Variants in SPATA6L observed in about 807,000 individuals in gnomAD.
SPATA6L encodes spermatogenesis associated 6 like, also known as spermatogenesis associated 6-like protein.
A neutral mutation model predicts 49.2 loss-of-function variants in SPATA6L; 68 were observed. The ratio of observed to expected loss-of-function variants is 1.38; its 90% CI spans 1.14 to 1.69. The LOEUF (loss-of-function observed/expected upper bound fraction) is 1.69, where lower values mean the gene tolerates loss of function less well. Among genes scored for constraint, SPATA6L ranks in the 40% most tolerant of loss-of-function variants. SPATA6L has a pLI of 0.00. For synonymous variants in SPATA6L, 198 were observed against 165.7 expected (o/e 1.19, Z -1.50); for missense variants, 668 against 464.3 (o/e 1.44, Z -4.03).
chr9:4,665,756 C>G (rs1406287073), intron 1 of SPATA6L, among the ~76,000 whole-genome samples: 1 of 152,112 alleles, frequency 6.6e-6, no homozygotes, highest in African/African-American at 2.4e-5. Context: ...ATTAGCAAGC[C>G]AGAGCTATCA....
In SPATA6L at chr9:4,653,219, G is replaced by C. The variant is rs569880287; in HGVS notation, c.226+2822C>G. Among the ~76,000 whole-genome samples the C allele has an allele frequency of 3.3e-5, 5 of 152,306 alleles. No individual in the cohort carries two copies. The East Asian group carries it at 5.8e-4, about 18-fold the overall frequency. Reference sequence around the variant, plus strand: ...AAAGTAAACCCTCACATTACTGTAAGCTGAATTTCAACAAGGGTACCAAGA... The same window carrying C: ...AAAGTAAACCCTCACATTACTGTAACCTGAATTTCAACAAGGGTACCAAGA... On this transcript the variant is annotated intron_variant, in intron 3 of 11. Coordinates refer to ENST00000682582, the MANE Select transcript of SPATA6L (RefSeq NM_001353486.2).
chr9:4,618,234 T>C lies in SPATA6L; in HGVS notation c.808-124A>G, dbSNP rs1828467165. ...GATGACAGAATATTTGCCCCAGGGA[T>C]CTCCTGCAAATAGAAGAGGATCTGG... On this transcript the variant is annotated intron_variant, in intron 8 of 11. Coordinates refer to ENST00000682582, the MANE Select transcript of SPATA6L (RefSeq NM_001353486.2). 9 of 720,640 alleles carry C rather than the reference T, an allele frequency of 1.2e-5. No individual in the cohort carries two copies. The South Asian group carries it at 1.8e-4, about 14-fold the overall frequency. 44.6% of individuals were successfully genotyped at this position (720,640 alleles called of 1,614,324 possible). A position where few individuals can be genotyped will look rare whatever the true frequency, so the allele number is the denominator to read the frequency against.
intron 1 of SPATA6L, chr9:4,665,162 T>C (rs1200915251): frequency 6.0e-6 from 1 of 167,098 alleles, no homozygotes; most frequent in African/African-American, 2.4e-5. Flanking sequence ...TTTTGAAGCA[T>C]CCTAAGTACA....
chr9:4,637,684 G>C (rs1007240576), intron 3 of SPATA6L, among the ~76,000 whole-genome samples: 2 of 152,030 alleles, frequency 1.3e-5, no homozygotes, highest in Non-Finnish European at 2.9e-5. Flanking sequence ...GATGTTCTGA[G>C]ATGAGTGGTG....
intron 2 of SPATA6L, among the ~76,000 whole-genome samples, chr9:4,660,134 A>T (rs998248176): frequency 1.3e-5 from 2 of 152,222 alleles, no homozygotes; most frequent in African/African-American, 2.4e-5. Flanking sequence ...GGACTTCATG[A>T]CTAAAACACC....
Position 4,604,753 on chromosome 9 carries a change from T to C in SPATA6L, c.1090-484A>G, listed in dbSNP as rs562311270. ...AATTCAACTACATGGCATCATTAAA[T>C]TCAGCCACTGGGGGCACTGTTGTCC... On this transcript the variant is annotated intron_variant, in intron 10 of 11. Coordinates refer to ENST00000682582, the MANE Select transcript of SPATA6L (RefSeq NM_001353486.2). Among the ~76,000 whole-genome samples, 6 of 152,312 alleles carry C rather than the reference T, an allele frequency of 3.9e-5. No homozygotes were observed. The South Asian group carries it at 1.0e-3, about 26-fold the overall frequency.
chr9:4,662,104 C>T lies in SPATA6L; in HGVS notation c.40-68G>A. 3.2e-6 allele frequency: 5 copies of T among 1,572,550 alleles called. No individual in the cohort carries two copies. Among genetic ancestry groups the T allele is most frequent in the Non-Finnish European group, 4.3e-6 (5 of 1,159,044 alleles). Reference sequence around the variant, plus strand: ...CTTTGCTTTGTTTTGTTACACGGGGCTCTATTTCTCTTAAGCTCCTACAGA... The same window carrying T: ...CTTTGCTTTGTTTTGTTACACGGGGTTCTATTTCTCTTAAGCTCCTACAGA... On this transcript the variant is annotated intron_variant, in intron 1 of 11. Transcript: ENST00000682582. The surrounding 1 kb of genome is among the most constrained non-coding windows in gnomAD (Gnocchi z 4.9).
chr9:4,618,652 A>T (rs1351589669), intron 8 of SPATA6L, among the ~76,000 whole-genome samples: 1 of 152,192 alleles, frequency 6.6e-6, no homozygotes, highest in Non-Finnish European at 1.5e-5. Flanking sequence ...CTCCTTGGTG[A>T]TTCATCCTAC....
At chr9:4,631,252 A>G (rs554660129) in intron 4 of SPATA6L, among the ~76,000 whole-genome samples, 3 of 152,322 alleles carry the variant, frequency 2.0e-5, no homozygotes, top group Admixed American at 6.5e-5. Context: ...GATGGTGATA[A>G]TGGTTGGTCA....
In SPATA6L at chr9:4,622,728, A is replaced by G. The variant is rs190217068; in HGVS notation, c.670-218T>C. ...ACTGAGGCTAGAACATGAGGACGTAAGCTAAACATTAGCATAAAAACTAAA... is the reference window on the plus strand; with the variant it reads ...ACTGAGGCTAGAACATGAGGACGTAGGCTAAACATTAGCATAAAAACTAAA... On this transcript the variant is annotated intron_variant, in intron 6 of 11. Transcript: ENST00000682582. Among the ~76,000 whole-genome samples the G allele has an allele frequency of 4.3e-3, 662 of 152,366 alleles. 6 individuals are homozygous for G. Among genetic ancestry groups the G allele is most frequent in the African/African-American group, 0.015 (626 of 41,586 alleles).
At chr9:4,597,513 C>G (rs1293875293), downstream of SPATA6L, among the ~76,000 whole-genome samples, 4 of 152,198 alleles carry the variant, frequency 2.6e-5, no homozygotes, top group Admixed American at 2.0e-4. Flanking sequence ...GACCCATCTG[C>G]ACCATGTAAA....
chr9:4,592,860 G>T (rs967291989), intron 13 of SPATA6L, among the ~76,000 whole-genome samples: 1 of 152,138 alleles, frequency 6.6e-6, no homozygotes, highest in Non-Finnish European at 1.5e-5. Context: ...TTTGGTGATG[G>T]TTTCACAACT....
chr9:4,603,442 A>C (rs934839285), intron 11 of SPATA6L, among the ~76,000 whole-genome samples: 3 of 151,890 alleles, frequency 2.0e-5, no homozygotes, highest in African/African-American at 4.8e-5. Context: ...AAACAAAAAC[A>C]AAAAAAACCC....
chr9:4,614,350 T>G (rs537556997), intron 9 of SPATA6L, among the ~76,000 whole-genome samples: 44 of 152,324 alleles, frequency 2.9e-4, no homozygotes, highest in Admixed American at 2.4e-3. Context: ...CTTATGACCT[T>G]GATCCTTACT....
intron 4 of SPATA6L, 27 bp from the exon 5 acceptor site, chr9:4,629,195 T>G: frequency 6.7e-7 from 1 of 1,496,184 alleles, no homozygotes; most frequent in Non-Finnish European, 9.2e-7. Flanking sequence ...AAAAAGCAAA[T>G]AAAATTACTA....
At chr9:4,661,156 G>T (rs1839621041) in intron 2 of SPATA6L, among the ~76,000 whole-genome samples, 1 of 152,162 alleles carries the variant, frequency 6.6e-6, no homozygotes, top group Non-Finnish European at 1.5e-5. Context: ...AAAAAAATGT[G>T]ACATGCTCTA....
intron 3 of SPATA6L, among the ~76,000 whole-genome samples, chr9:4,651,901 G>A (rs993655185): frequency 7.2e-5 from 11 of 152,140 alleles, no homozygotes; most frequent in Admixed American, 4.6e-4. Flanking sequence ...AGATAAGGAT[G>A]CTCACTTTCA....
chr9:4,607,971 C>T (rs1825726389), intron 9 of SPATA6L, among the ~76,000 whole-genome samples: 1 of 151,032 alleles, frequency 6.6e-6, no homozygotes, highest in East Asian at 1.9e-4. Flanking sequence ...AAATGGAAAA[C>T]AAAAAAAGGC....
In SPATA6L at chr9:4,632,760, C is replaced by T. The variant is rs879018477; in HGVS notation, c.351+2515G>A. Among the ~76,000 whole-genome samples, 17 of 152,152 alleles carry T rather than the reference C, an allele frequency of 1.1e-4. No individual in the cohort carries two copies. In the South Asian group the frequency reaches 2.5e-3, roughly 22 times the overall value. ...ATGTGATGTTTATGGCCCTCAGATCCTTAGTATTGTGTGATTCTCCCCCAT... is the reference window on the plus strand; with the variant it reads ...ATGTGATGTTTATGGCCCTCAGATCTTTAGTATTGTGTGATTCTCCCCCAT... On this transcript the variant is annotated intron_variant, in intron 4 of 11. Coordinates refer to ENST00000682582, the MANE Select transcript of SPATA6L (RefSeq NM_001353486.2).
Sources: allele counts gnomAD v4.1 joint callset (sites outside exome capture counted in the v4.1 genomes callset), GRCh38; gene constraint gnomAD v4.1.1; non-coding constraint Gnocchi (gnomAD v3.1); transcripts MANE v1.5; gene names NCBI Gene and HGNC (gene_info 2026-07-23, HGNC 2026-07-21).